TEKTL1: variants seen among roughly 807,000 people sequenced by gnomAD.
TEKTL1 encodes the protein tektin-like protein 1.
At chr19:15,013,240 G>A in the TEKTL1 span, among the ~76,000 whole-genome samples, 2 of 152,052 alleles carry the variant, frequency 1.3e-5, no homozygotes, top group Non-Finnish European at 2.9e-5. Flanking sequence ...TCAGCCCCCA[G>A]ATCCAAATAT....
At chr19:15,020,624 C>T in the TEKTL1 span, 151 of 1,613,972 alleles carry the variant, frequency 9.4e-5, no homozygotes, top group Middle Eastern at 3.3e-4. Flanking sequence ...GGTCAGAAAA[C>T]GCCTCCTCCA....
chr19:15,013,918 G>T, the TEKTL1 span: 1 of 614,500 alleles, frequency 1.6e-6, no homozygotes. Context: ...ATTTTGCTTT[G>T]TGAAATGGAA....
the TEKTL1 span, chr19:15,022,841 G>A: frequency 1.3e-6 from 2 of 1,559,226 alleles, no homozygotes; most frequent in South Asian, 1.2e-5. Flanking sequence ...ATCTGCTCTG[G>A]CTCACGGGTC....
chr19:15,014,720 CA>C, the TEKTL1 span, among the ~76,000 whole-genome samples: 48 of 21,534 alleles, frequency 2.2e-3, 1 homozygote, highest in African/African-American at 0.013. Context: ...GCAGGAGACT[CA>C]GTGGGGGGGC....
At chr19:15,014,977 A>G in the TEKTL1 span, among the ~76,000 whole-genome samples, 8 of 152,198 alleles carry the variant, frequency 5.3e-5, no homozygotes, top group Non-Finnish European at 1.0e-4. Flanking sequence ...TCTTGAGGCC[A>G]GAAGTTCAAG....
the TEKTL1 span, chr19:15,020,309 A>G: frequency 2.6e-6 from 1 of 386,736 alleles, no homozygotes; most frequent in South Asian, 4.5e-5. Flanking sequence ...TTTTGTCTCA[A>G]AAAAAAAAAA....
At chr19:15,022,921 C>A in the TEKTL1 span, 66 of 1,607,548 alleles carry the variant, frequency 4.1e-5, no homozygotes, top group Non-Finnish European at 5.5e-5. Flanking sequence ...AGAACCTGGA[C>A]GAGCTGCTCG....
At chr19:15,017,147 A>G in the TEKTL1 span, among the ~76,000 whole-genome samples, 8 of 152,204 alleles carry the variant, frequency 5.3e-5, no homozygotes, top group Non-Finnish European at 8.8e-5. Flanking sequence ...TCTTGAGCCC[A>G]GGAGTTTGAG....
chr19:15,014,728 G>GGC, the TEKTL1 span, among the ~76,000 whole-genome samples: 9 of 117,982 alleles, frequency 7.6e-5, 2 homozygotes, highest in South Asian at 3.4e-3. Context: ...CTCAGTGGGG[G>GGC]GGCGGGGGGC....
the TEKTL1 span, chr19:15,011,200 G>A: frequency 6.8e-7 from 1 of 1,476,422 alleles, no homozygotes; most frequent in Non-Finnish European, 8.9e-7. Context: ...CCACCGAGGT[G>A]GTGCACGCGC....
the TEKTL1 span, chr19:15,021,282 A>T: frequency 4.4e-6 from 7 of 1,576,806 alleles, no homozygotes; most frequent in Non-Finnish European, 6.0e-6. Context: ...ACCACCTGAG[A>T]ATAGAGAGAG....
At chr19:15,015,183 T>C in the TEKTL1 span, among the ~76,000 whole-genome samples, 16 of 152,102 alleles carry the variant, frequency 1.1e-4, no homozygotes, top group Admixed American at 9.8e-4. Context: ...GAAGACCCTG[T>C]CTCTGTGAGA....
the TEKTL1 span, among the ~76,000 whole-genome samples, chr19:15,018,620 G>A: frequency 2.2e-4 from 33 of 149,168 alleles, no homozygotes; most frequent in African/African-American, 8.1e-4. Flanking sequence ...GGCTGAGGTG[G>A]GAGGATCGCT....
the TEKTL1 span, chr19:15,011,100 G>C: frequency 5.7e-6 from 9 of 1,565,624 alleles, no homozygotes; most frequent in Non-Finnish European, 7.8e-6. Flanking sequence ...CCAGGCGAGG[G>C]CGTCACGCTG....
the TEKTL1 span, chr19:15,020,566 C>G: frequency 6.2e-7 from 1 of 1,614,088 alleles, no homozygotes; most frequent in South Asian, 1.1e-5. Flanking sequence ...GCAGGCCAGA[C>G]GCCACTCATG....
At chr19:15,014,738 C>CGGGGGGTGGG in the TEKTL1 span, among the ~76,000 whole-genome samples, 2 of 29,804 alleles carry the variant, frequency 6.7e-5, no homozygotes, top group Non-Finnish European at 1.5e-4. Flanking sequence ...GGGCGGGGGG[C>CGGGGGGTGGG]GGGGGCTGCT....
chr19:15,021,586 C>T, the TEKTL1 span: 134 of 1,613,128 alleles, frequency 8.3e-5, no homozygotes, highest in Non-Finnish European at 1.0e-4. Context: ...TGGGAGCCAG[C>T]GTGATCCCCC....
chr19:15,020,167 G>T, the TEKTL1 span, among the ~76,000 whole-genome samples: 1 of 151,306 alleles, frequency 6.6e-6, no homozygotes, highest in Non-Finnish European at 1.5e-5. Context: ...AAATAGCAAG[G>T]CATGGTGCTT....
At chr19:15,012,551 C>T in the TEKTL1 span, among the ~76,000 whole-genome samples, 1 of 135,310 alleles carries the variant, frequency 7.4e-6, no homozygotes, top group Non-Finnish European at 1.7e-5. Context: ...GATAGTGAGA[C>T]TCAAAAACAA....
Sources: allele counts gnomAD v4.1 joint callset (sites outside exome capture counted in the v4.1 genomes callset), GRCh38; gene constraint gnomAD v4.1.1; transcripts MANE v1.5; gene names NCBI Gene and HGNC (gene_info 2026-07-23, HGNC 2026-07-21).